ZMYM4: variants seen among roughly 807,000 people sequenced by gnomAD.
ZMYM4 encodes the protein zinc finger MYM-type containing 4.
In ZMYM4, 31 loss-of-function variants were observed where a neutral mutation model predicts 183.2. That is an observed-to-expected ratio of 0.17 (90% CI 0.13 to 0.23). The LOEUF (loss-of-function observed/expected upper bound fraction) is 0.23. Among genes scored for constraint, ZMYM4 ranks in the 10% least tolerant of loss-of-function variants. ZMYM4 has a pLI of 1.00. For missense variants in ZMYM4, 1,273 were observed against 1,840.3 expected, an observed-to-expected ratio of 0.69 and a Z score of 5.64; for synonymous variants, 592 against 631.2, an observed-to-expected ratio of 0.94 and a Z score of 0.93.
chr1:35,316,313 TAGTA>T (rs753494549), intron 1 of ZMYM4, among the ~76,000 whole-genome samples: 6 of 152,208 alleles, frequency 3.9e-5, no homozygotes, highest in Admixed American at 6.5e-5. Flanking sequence ...AAATGTGTAA[TAGTA>T]AGTTAGTCCT....
chr1:35,354,290 A>G (rs1466429096), intron 2 of ZMYM4, among the ~76,000 whole-genome samples: 1 of 152,258 alleles, frequency 6.6e-6, no homozygotes, highest in East Asian at 1.9e-4. Flanking sequence ...TAACAGCTAT[A>G]TAATATTCCA....
At chr1:35,366,791 A>G (rs187781359) in intron 5 of ZMYM4, among the ~76,000 whole-genome samples, 147 of 152,268 alleles carry the variant, frequency 9.7e-4, no homozygotes, top group African/African-American at 3.4e-3. Flanking sequence ...CGGGGGGCGA[A>G]TCACTTGAGG....
At chr1:35,293,004 A>AT (rs58564183) in intron 1 of ZMYM4, among the ~76,000 whole-genome samples, 114,267 of 145,426 alleles carry the variant, frequency 0.79, 47,514 homozygotes, top group Non-Finnish European at 0.95. Context: ...TACCATTAAC[A>AT]TTTTTTTTTT....
chr1:35,272,030 C>T (rs1639633877), intron 1 of ZMYM4, among the ~76,000 whole-genome samples: 3 of 152,130 alleles, frequency 2.0e-5, no homozygotes, highest in African/African-American at 7.2e-5. Context: ...TTTGATATTT[C>T]ATTAGAATGT....
At chr1:35,353,074 A>G (rs1324844634) in intron 2 of ZMYM4, among the ~76,000 whole-genome samples, 1 of 152,172 alleles carries the variant, frequency 6.6e-6, no homozygotes, top group African/African-American at 2.4e-5. Flanking sequence ...TAGTGTTCCT[A>G]TCTCAGGAAA....
At chr1:35,373,211 T>A (rs533644064) in intron 7 of ZMYM4, among the ~76,000 whole-genome samples, 1 of 151,052 alleles carries the variant, frequency 6.6e-6, no homozygotes, top group African/African-American at 2.4e-5. Flanking sequence ...ATATAATTTA[T>A]GTCAGTATAA....
chr1:35,398,433 G>A lies in ZMYM4; in HGVS notation c.3220G>A (p.Glu1074Lys), dbSNP rs746427450. The A allele has an allele frequency of 6.2e-5, 100 of 1,609,742 alleles. No homozygotes were observed. Among genetic ancestry groups the A allele is most frequent in the Non-Finnish European group, 7.0e-5 (83 of 1,178,438 alleles). ...SQGESQTSEH[E>K]LFLDTKIFEK... is the part of the protein sequence containing the mutation. ...TTTAGAGTCCCAAACTTCTGAACAC[G>A]AACTCTTTCTAGACACCAAGATATT... Residue 1074 changes from glutamate (E) to lysine (K), a missense_variant, in exon 21 of 30, where the codon GAA becomes AAA. Glu to Lys is a moderately conservative substitution (Grantham distance 56). Transcript: ENST00000314607.
rs998362688 is a variant in ZMYM4 at position 35,309,084 on chromosome 1, A to G, written c.40-16276A>G. 24 of 978,710 alleles carry G rather than the reference A, an allele frequency of 2.5e-5. No homozygotes were observed. The African/African-American group carries it at 4.2e-4, about 17-fold the overall frequency. The allele number at this position is 978,710 out of a possible 1,614,324, so 60.6% of individuals were successfully genotyped here. ...GTGGGTTTGAGAGAGGTTCTATAGC[A>G]CAGTTGCCTTCCTGACTAAATATGG... is the stretch of plus-strand genomic sequence containing the variant. On this transcript the variant is annotated intron_variant, in intron 1 of 29. Transcript: ENST00000314607.
intron 1 of ZMYM4, among the ~76,000 whole-genome samples, chr1:35,319,706 A>C (rs564356147): frequency 8.5e-5 from 13 of 152,330 alleles, no homozygotes; most frequent in Non-Finnish European, 1.8e-4. Context: ...ATACATTTGA[A>C]AAACTAAGGG....
chr1:35,376,159 G>C (rs988936607), intron 7 of ZMYM4, among the ~76,000 whole-genome samples: 2 of 151,822 alleles, frequency 1.3e-5, no homozygotes, highest in Non-Finnish European at 2.9e-5. Flanking sequence ...TCAGATTCTT[G>C]TTATAATGAT....
At chr1:35,281,013 G>A (rs898442149) in intron 1 of ZMYM4, among the ~76,000 whole-genome samples, 2 of 152,090 alleles carry the variant, frequency 1.3e-5, no homozygotes, top group South Asian at 2.1e-4. Flanking sequence ...GGTCGGGTGC[G>A]ATGGCTCACG....
rs1048121767 is a variant in ZMYM4 at position 35,269,009 on chromosome 1, C to T, written c.-38C>T. Reference sequence around the variant, plus strand: ...GGGGGCCGAGAGGTACCGCCGCCACCGCGCGGGGAGCCGCAGCGGTTCCGA... The same window carrying T: ...GGGGGCCGAGAGGTACCGCCGCCACTGCGCGGGGAGCCGCAGCGGTTCCGA... On this transcript the variant is annotated 5_prime_UTR_variant, in exon 1 of 30. Transcript: ENST00000314607. The T allele has an allele frequency of 3.3e-6, 5 of 1,520,686 alleles. No homozygotes were observed. 94.2% of individuals were successfully genotyped at this position (1,520,686 alleles called of 1,614,324 possible).
At chr1:35,390,732 A>T (rs953168444) in intron 15 of ZMYM4, among the ~76,000 whole-genome samples, 49 of 152,256 alleles carry the variant, frequency 3.2e-4, no homozygotes, top group Non-Finnish European at 4.4e-4. Context: ...ATTGAATCAA[A>T]TAAACTCTGT....
At chr1:35,416,989 T>C (rs1640140896) in intron 28 of ZMYM4, among the ~76,000 whole-genome samples, 1 of 152,224 alleles carries the variant, frequency 6.6e-6, no homozygotes, top group South Asian at 2.1e-4. Flanking sequence ...GCAAAGTCTT[T>C]CTATTTAGCT....
At chr1:35,367,123 AC>A (rs1644102208) in intron 5 of ZMYM4, among the ~76,000 whole-genome samples, 2 of 152,200 alleles carry the variant, frequency 1.3e-5, no homozygotes, top group African/African-American at 4.8e-5. Flanking sequence ...ATAGGCATGC[AC>A]ATACACACAC....
Position 35,422,032 on chromosome 1 carries a change from A to T in ZMYM4, c.*2355A>T, listed in dbSNP as rs1415874462. Reference sequence around the variant, plus strand: ...ATTGGTATGACCCAGCAATTAGTAAAATTACAAAGAAAGAGAGCAGTTTCC... The same window carrying T: ...ATTGGTATGACCCAGCAATTAGTAATATTACAAAGAAAGAGAGCAGTTTCC... On this transcript the variant is annotated 3_prime_UTR_variant, in exon 30 of 30. Coordinates refer to ENST00000314607, the MANE Select transcript of ZMYM4 (RefSeq NM_005095.3). 6.6e-6 allele frequency: 1 copy of T among 152,204 alleles called. No homozygotes were observed. Among genetic ancestry groups the T allele is most frequent in the Admixed American group, 6.5e-5 (1 of 15,282 alleles). 9.4% of individuals were successfully genotyped at this position (152,204 alleles called of 1,614,324 possible). A position where few individuals can be genotyped will look rare whatever the true frequency, so the allele number is the denominator to read the frequency against.
chr1:35,415,952 A>G (rs1379538917), intron 28 of ZMYM4, among the ~76,000 whole-genome samples: 1 of 152,266 alleles, frequency 6.6e-6, no homozygotes, highest in East Asian at 1.9e-4. Flanking sequence ...AATTGGGCAG[A>G]GCTCAAATAG....
intron 2 of ZMYM4, among the ~76,000 whole-genome samples, chr1:35,352,793 A>G (rs1643678020): frequency 6.6e-6 from 1 of 152,166 alleles, no homozygotes; most frequent in East Asian, 1.9e-4. Context: ...ATTTCTAAAT[A>G]CTGAAGTATG....
intron 26 of ZMYM4, among the ~76,000 whole-genome samples, chr1:35,411,265 T>C (rs1406328857): frequency 6.6e-6 from 1 of 151,048 alleles, no homozygotes; most frequent in African/African-American, 2.4e-5. Flanking sequence ...GCCATTCTCC[T>C]GCCTCAGCCT....
Sources: allele counts gnomAD v4.1 joint callset (sites outside exome capture counted in the v4.1 genomes callset), GRCh38; gene constraint gnomAD v4.1.1; transcripts MANE v1.5; gene names NCBI Gene and HGNC (gene_info 2026-07-23, HGNC 2026-07-21).